Variants in ROBO2 observed in about 807,000 individuals in gnomAD.
The protein encoded by ROBO2 is roundabout guidance receptor 2, also known as roundabout homolog 2.
ROBO2 carries 53 observed loss-of-function variants against 160.8 expected under a neutral mutation model. The ratio of observed to expected loss-of-function variants is 0.33; its 90% CI spans 0.26 to 0.41. ROBO2 has a LOEUF of 0.41. Ranked by LOEUF, ROBO2 falls within the 10% of genes least tolerant of loss-of-function variation. The pLI is 1.00. For missense variants in ROBO2, 1,577 were observed against 1,722.4 expected (o/e 0.92, Z 1.49); for synonymous variants, 664 against 611.7 (o/e 1.09, Z -1.26).
Position 77,614,722 on chromosome 3 carries a change from AAACC to A in ROBO2, c.3294-2760_3294-2757del, listed in dbSNP as rs71709284. On this transcript the variant is annotated intron_variant, in intron 21 of 25. Coordinates refer to ENST00000461745, the Ensembl canonical transcript of ROBO2. ...CCAAAGATGATATTATTCCCCCAAAAAACCAACCAACCAACCAACCAACCAACCA... is the reference window on the plus strand; with the variant it reads ...CCAAAGATGATATTATTCCCCCAAAAAACCAACCAACCAACCAACCAACCA... Among the ~76,000 whole-genome samples the A allele has an allele frequency of 9.0e-3, 1,341 of 149,278 alleles. 11 individuals are homozygous for A. Among genetic ancestry groups the A allele is most frequent in the Admixed American group, 0.016 (235 of 15,100 alleles).
At chr3:77,348,282 T>C (rs975975880) in intron 2 of ROBO2, among the ~76,000 whole-genome samples, 11 of 152,150 alleles carry the variant, frequency 7.2e-5, no homozygotes, top group African/African-American at 2.7e-4. Context: ...TATTTCTTGA[T>C]TATATGCTAA....
At chr3:77,612,248 A>G (rs1456129543) in intron 21 of ROBO2, among the ~76,000 whole-genome samples, 1 of 152,218 alleles carries the variant, frequency 6.6e-6, no homozygotes. Context: ...AAATTCTGTC[A>G]CTCAAATAAG....
intron 2 of ROBO2, among the ~76,000 whole-genome samples, chr3:76,032,842 G>T (rs1158317943): frequency 6.6e-6 from 1 of 152,062 alleles, no homozygotes; most frequent in East Asian, 1.9e-4. Flanking sequence ...GTATTGAGTG[G>T]TCCAAACAGA....
chr3:76,085,428 G>A (rs1278444612), intron 2 of ROBO2, among the ~76,000 whole-genome samples: 1 of 152,076 alleles, frequency 6.6e-6, no homozygotes, highest in Non-Finnish European at 1.5e-5. Context: ...AAAACCACAA[G>A]CACTGCATAT....
chr3:76,616,960 T>G (rs1286718687), intron 2 of ROBO2, among the ~76,000 whole-genome samples: 2 of 152,140 alleles, frequency 1.3e-5, no homozygotes, highest in Non-Finnish European at 1.5e-5. Context: ...CAAATAGGCA[T>G]GGATGGCCTA....
At chr3:77,313,712 G>A (rs560936748) in intron 2 of ROBO2, among the ~76,000 whole-genome samples, 16 of 152,186 alleles carry the variant, frequency 1.1e-4, no homozygotes, top group African/African-American at 3.6e-4. Flanking sequence ...AACCTCCCGA[G>A]TAGTTAGGAT....
intron 2 of ROBO2, among the ~76,000 whole-genome samples, chr3:76,180,095 C>T (rs1701433998): frequency 6.6e-6 from 1 of 152,150 alleles, no homozygotes; most frequent in Non-Finnish European, 1.5e-5. Context: ...TTCTATCCTT[C>T]AAGATTCAGA....
At chr3:76,675,230 C>A (rs573102791) in intron 2 of ROBO2, among the ~76,000 whole-genome samples, 2 of 152,192 alleles carry the variant, frequency 1.3e-5, no homozygotes, top group South Asian at 2.1e-4. Flanking sequence ...CTGAAGGATA[C>A]GAGGAATTAG....
chr3:77,393,239 CA>C (rs1235054371), intron 2 of ROBO2, among the ~76,000 whole-genome samples: 1 of 152,008 alleles, frequency 6.6e-6, no homozygotes, highest in Non-Finnish European at 1.5e-5. Flanking sequence ...TTTCTCTTCT[CA>C]ATGTCCTTTT....
intron 2 of ROBO2, among the ~76,000 whole-genome samples, chr3:75,977,964 G>T (rs559690612): frequency 2.0e-5 from 3 of 151,570 alleles, no homozygotes; most frequent in East Asian, 3.9e-4. Context: ...TCAATGGAAA[G>T]ATGTTATAAT....
intron 2 of ROBO2, among the ~76,000 whole-genome samples, chr3:77,104,010 T>A (rs533090736): frequency 0.017 from 2,597 of 152,276 alleles, 31 homozygotes; most frequent in Middle Eastern, 0.037. Flanking sequence ...TAAATTAAAT[T>A]GCAAAAAGAT....
At chr3:76,062,550 C>T (rs2068104087) in intron 2 of ROBO2, among the ~76,000 whole-genome samples, 1 of 152,130 alleles carries the variant, frequency 6.6e-6, no homozygotes, top group Non-Finnish European at 1.5e-5. Context: ...TCTTACCTGG[C>T]ATTCTTCTTC....
chr3:76,956,566 A>G (rs1304474921), intron 2 of ROBO2, among the ~76,000 whole-genome samples: 2 of 151,594 alleles, frequency 1.3e-5, no homozygotes, highest in South Asian at 2.1e-4. Context: ...CAAAAAAAAA[A>G]AAAAAGAAAA....
intron 2 of ROBO2, among the ~76,000 whole-genome samples, chr3:77,265,215 C>T (rs776803059): frequency 2.0e-5 from 3 of 152,088 alleles, no homozygotes; most frequent in East Asian, 1.9e-4. Context: ...GAGGCATCTG[C>T]GACCAGAAAA....
chr3:77,342,773 T>C (rs1217478379), intron 2 of ROBO2, among the ~76,000 whole-genome samples: 1 of 152,190 alleles, frequency 6.6e-6, no homozygotes, highest in African/African-American at 2.4e-5. Context: ...AGTACCTTTA[T>C]GTTGGAGACC....
chr3:76,733,268 G>T (rs2093663306), intron 2 of ROBO2, among the ~76,000 whole-genome samples: 1 of 152,202 alleles, frequency 6.6e-6, no homozygotes, highest in Non-Finnish European at 1.5e-5. Context: ...AAAGAAGGGA[G>T]ATTACGTCAA....
chr3:76,121,228 T>G (rs1359883062), intron 2 of ROBO2, among the ~76,000 whole-genome samples: 1 of 152,152 alleles, frequency 6.6e-6, no homozygotes, highest in Non-Finnish European at 1.5e-5. Flanking sequence ...ATTTTTCCAG[T>G]AGTAGCAATT....
chr3:77,533,660 C>A (rs2091907059), intron 6 of ROBO2, among the ~76,000 whole-genome samples: 1 of 152,154 alleles, frequency 6.6e-6, no homozygotes, highest in Non-Finnish European at 1.5e-5. Context: ...ACCCTGAATT[C>A]CTCATGTGCT....
intron 2 of ROBO2, among the ~76,000 whole-genome samples, chr3:77,119,571 A>G (rs1468665270): frequency 6.6e-6 from 1 of 152,210 alleles, no homozygotes; most frequent in Non-Finnish European, 1.5e-5. Context: ...TCTTTAGGTA[A>G]AGAAGCACGG....
Sources: allele counts gnomAD v4.1 joint callset (sites outside exome capture counted in the v4.1 genomes callset), GRCh38; gene constraint gnomAD v4.1.1; transcripts MANE v1.5; gene names NCBI Gene and HGNC (gene_info 2026-07-23, HGNC 2026-07-21).